The following ANTXRL variants were observed in gnomAD, a reference collection of about 807,000 sequenced individuals.
The protein encoded by ANTXRL is ANTXR like.
ANTXRL carries 63 observed loss-of-function variants against 75.4 expected under a neutral mutation model. That is an observed-to-expected ratio of 0.84 (90% CI 0.68 to 1.03). The LOEUF is 1.03. ANTXRL is among the 50% of genes least tolerant of loss of function. The probability of loss-of-function intolerance (pLI) is 0.00; values close to 1 mark genes in which losing one functional copy is unlikely to be tolerated. For missense variants in ANTXRL, 797 were observed against 789.4 expected, an observed-to-expected ratio of 1.01 and a Z score of -0.12; for synonymous variants, 335 against 291.3, an observed-to-expected ratio of 1.15 and a Z score of -1.53.
rs1475033022 is a variant in ANTXRL, at chr10:46,309,167, C to T, written c.1099C>T (p.Leu367=). 1 of 1,535,726 alleles carries T rather than the reference C, an allele frequency of 6.5e-7. No individual in the cohort carries two copies. Among genetic ancestry groups the T allele is most frequent in the African/African-American group, 1.4e-5 (1 of 73,026 alleles). ...FVPLLLLVPL[L]LCCVWRLCRK... is the part of the protein sequence containing the mutation. ...GCCACTCCTGCTGCTTGTGCCACTGCTGCTGTGTTGTGTCTGGCGGCTGTG... is the reference window on the plus strand; with the variant it reads ...GCCACTCCTGCTGCTTGTGCCACTGTTGCTGTGTTGTGTCTGGCGGCTGTG... Residue 367 remains leucine, a synonymous_variant, in exon 13 of 17, where the codon CTG becomes TTG. Transcript: ENST00000620264.
chr10:46,329,784 C>T lies in ANTXRL; in HGVS notation c.1596C>T (p.Ile532=). The T allele has an allele frequency of 6.5e-7, 1 of 1,534,580 alleles. No homozygotes were observed. Among genetic ancestry groups the T allele is most frequent in the Non-Finnish European group, 8.7e-7 (1 of 1,146,504 alleles). Residue 532 remains isoleucine, a synonymous_variant, in exon 17 of 17, where the codon ATC becomes ATT. Coordinates refer to ENST00000620264, the MANE Select transcript of ANTXRL (RefSeq NM_001278688.3). ...ALKQARCSPN[I]CLRHSQHSRE... ...AACAGGCTCGCTGCAGCCCAAACAT[C>T]TGCCTGAGACACAGCCAACACAGCA...
intron 16 of ANTXRL, among the ~76,000 whole-genome samples, chr10:46,322,023 G>T (rs1839000952): frequency 6.6e-6 from 1 of 152,004 alleles, no homozygotes; most frequent in Admixed American, 6.5e-5. Flanking sequence ...ACAGTAAAAT[G>T]AGTTTCCTTA....
intron 12 of ANTXRL, 28 bp downstream of exon 12, chr10:46,307,508 T>C: frequency 1.4e-5 from 21 of 1,519,844 alleles, no homozygotes; most frequent in Middle Eastern, 1.7e-4. Context: ...GCTGCAAACA[T>C]GTATGAGGAC....
chr10:46,311,544 C>T lies in ANTXRL; in HGVS notation c.1208C>T (p.Pro403Leu). The T allele has an allele frequency of 1.3e-6, 2 of 1,534,860 alleles. No individual in the cohort carries two copies. The highest frequency in any genetic ancestry group is 1.7e-6 in the Non-Finnish European group (2 of 1,146,106). The change falls in exon 15 of 17, where the codon CCA (proline) becomes CTA (leucine). Residue 403 changes from proline (P) to leucine (L), a missense_variant. By Grantham distance (98) the Pro-to-Leu change is moderately conservative. Transcript: ENST00000620264. Reference sequence around the variant, plus strand: ...CAGGAAAAACCACCATCACCACCACCACCGCCTCCGCCTCCACCACCTCCA... The same window carrying T: ...CAGGAAAAACCACCATCACCACCACTACCGCCTCCGCCTCCACCACCTCCA... Reference protein sequence around the residue: ...PEQEKPPSPPPPPPPPPPPLP... With the variant: ...PEQEKPPSPPLPPPPPPPPLP...
intron 9 of ANTXRL, among the ~76,000 whole-genome samples, chr10:46,301,915 G>A (rs1367924516): frequency 6.6e-6 from 1 of 152,196 alleles, no homozygotes; most frequent in Admixed American, 6.5e-5. Flanking sequence ...GGCAGCTGCA[G>A]ACCTGCGGGA....
intron 2 of ANTXRL, among the ~76,000 whole-genome samples, chr10:46,293,352 G>T (rs183420854): frequency 0.037 from 5,524 of 148,708 alleles, 112 homozygotes; most frequent in Admixed American, 0.052. Flanking sequence ...GTGCGTGCAT[G>T]TGTGTGCATG....
chr10:46,307,383 T>C lies in ANTXRL; in HGVS notation c.966-19T>C, dbSNP rs1554962168. 1.3e-6 allele frequency: 2 copies of C among 1,523,672 alleles called. No homozygotes were observed. Among genetic ancestry groups the C allele is most frequent in the Admixed American group, 2.0e-5 (1 of 50,970 alleles). 94.4% of individuals were successfully genotyped at this position (1,523,672 alleles called of 1,614,324 possible). On this transcript the variant is annotated intron_variant, in intron 11 of 16. Transcript: ENST00000620264. ...TCTCTCTGGACTGGCTCTCACCATC[T>C]GCATTTTCTATGCTTTAGGGAGTAC...
chr10:46,307,436 A>G lies in ANTXRL; in HGVS notation c.1000A>G (p.Lys334Glu). Residue 334 changes from lysine (K) to glutamate (E), a missense_variant, in exon 12 of 17, where the codon AAA (lysine) becomes GAA (glutamate). By Grantham distance (56) the Lys-to-Glu change is moderately conservative. This residue lies in a region of ANTXRL where 479 missense variants were observed against 422.0 expected (regional missense o/e 1.14). Coordinates refer to ENST00000620264, the MANE Select transcript of ANTXRL (RefSeq NM_001278688.3). The stretch of plus-strand genomic sequence containing the variant: ...TATTGAAGTCAGCTTGAACAAAGGC[A>G]AAACATTCTTCAAGAGCAATGTCAG... ...YSIEVSLNKG[K>E]TFFKSNVSIT... 6.5e-7 allele frequency: 1 copy of G among 1,536,328 alleles called. No individual in the cohort carries two copies.
intron 13 of ANTXRL, among the ~76,000 whole-genome samples, chr10:46,310,228 C>A (rs1188938939): frequency 6.6e-6 from 1 of 152,062 alleles, no homozygotes; most frequent in Non-Finnish European, 1.5e-5. Context: ...TGGCTGACCC[C>A]TAGGAACCCC....
Position 46,309,186 on chromosome 10 carries a change from G to A in ANTXRL, c.1118G>A (p.Arg373Gln), listed in dbSNP as rs563891224. ...LVPLLLCCVW[R>Q]LCRKQTVKEP... ...CCACTGCTGCTGTGTTGTGTCTGGCGGCTGTGCCGCAAGCAGGCAAGTGCT... is the reference window on the plus strand; with the variant it reads ...CCACTGCTGCTGTGTTGTGTCTGGCAGCTGTGCCGCAAGCAGGCAAGTGCT... Residue 373 changes from arginine to glutamine, a missense_variant, in exon 13 of 17, where the codon CGG becomes CAG. Around this residue, in one of 3 missense-constraint regions of ANTXRL, gnomAD observed 479 missense variants for 422.0 expected, o/e 1.14. Coordinates refer to ENST00000620264, the MANE Select transcript of ANTXRL (RefSeq NM_001278688.3). 118 of 1,531,196 alleles carry A rather than the reference G, an allele frequency of 7.7e-5. 2 individuals are homozygous for A. In the South Asian group the frequency reaches 1.2e-3, roughly 16 times the overall value. The allele number at this position is 1,531,196 out of a possible 1,614,324, so 94.9% of individuals were successfully genotyped here. A position where few individuals can be genotyped will look rare whatever the true frequency, so the allele number is the denominator to read the frequency against.
intron 16 of ANTXRL, among the ~76,000 whole-genome samples, chr10:46,325,178 T>G (rs4926080): frequency 0.085 from 12,935 of 152,106 alleles, 1,805 homozygotes; most frequent in African/African-American, 0.3. Context: ...CCCTGTCTAT[T>G]TTTATTATTC....
intron 5 of ANTXRL, 125 bp from the exon 6 acceptor site, chr10:46,297,127 G>A: frequency 1.3e-6 from 1 of 750,616 alleles, no homozygotes; most frequent in Non-Finnish European, 2.2e-6. Context: ...GGATGAGGTG[G>A]GGGCACGTGG....
At chr10:46,320,110 T>A (rs1209484854) in intron 16 of ANTXRL, among the ~76,000 whole-genome samples, 1 of 152,168 alleles carries the variant, frequency 6.6e-6, no homozygotes, top group Non-Finnish European at 1.5e-5. Context: ...CCCATGAAAG[T>A]TCCCATGATA....
At chr10:46,301,489 A>C (rs1229054803) in intron 9 of ANTXRL, among the ~76,000 whole-genome samples, 2 of 152,196 alleles carry the variant, frequency 1.3e-5, no homozygotes, top group Non-Finnish European at 2.9e-5. Context: ...AGAGTAGGCC[A>C]GGCCCAGCTG....
intron 7 of ANTXRL, 87 bp from the exon 8 acceptor site, chr10:46,297,744 T>C (rs1457463240): frequency 1.4e-5 from 17 of 1,206,100 alleles, no homozygotes; most frequent in Non-Finnish European, 2.0e-5. Flanking sequence ...CCCCAAAGCA[T>C]GAGGGCAAGA....
At chr10:46,289,658 G>A (rs782131789) in intron 1 of ANTXRL, among the ~76,000 whole-genome samples, 1 of 152,120 alleles carries the variant, frequency 6.6e-6, no homozygotes, top group Admixed American at 6.5e-5. Flanking sequence ...GAGCCTGAGA[G>A]GTCAAGACTG....
At chr10:46,321,762 T>C (rs534884940) in intron 16 of ANTXRL, among the ~76,000 whole-genome samples, 3 of 152,258 alleles carry the variant, frequency 2.0e-5, no homozygotes, top group African/African-American at 7.2e-5. Flanking sequence ...TGCGGTTCTG[T>C]TACTAGGGGC....
At position 46,287,148 on chromosome 10, in the gene ANTXRL, A is replaced by C; in HGVS notation, c.-115A>C. On this transcript the variant is annotated 5_prime_UTR_variant, in exon 1 of 17. Transcript: ENST00000620264. ...TGTGCACTGGTGAAAGGGCAGGAGG[A>C]GGGGTGTGGCCCCGGGCATAAGGGG... 1 of 1,335,782 alleles carries C rather than the reference A, an allele frequency of 7.5e-7. No homozygotes were observed. Among genetic ancestry groups the C allele is most frequent in the Non-Finnish European group, 1.0e-6 (1 of 1,002,348 alleles). 82.7% of individuals were successfully genotyped at this position (1,335,782 alleles called of 1,614,324 possible). A position where few individuals can be genotyped will look rare whatever the true frequency, so the allele number is the denominator to read the frequency against.
Position 46,317,556 on chromosome 10 carries a change from C to G in ANTXRL, c.1410+4240C>G, listed in dbSNP as rs985133690. Among the ~76,000 whole-genome samples, 47 of 152,174 alleles carry G rather than the reference C, an allele frequency of 3.1e-4. 1 individual carries two copies. Among genetic ancestry groups the G allele is most frequent in the Non-Finnish European group, 4.7e-4 (32 of 68,034 alleles). ...AGACCAAGGGACAGGGGTGGCAAAG[C>G]CAGGCTGGCTGTGGCCTCCAACTGT... On this transcript the variant is annotated intron_variant, in intron 16 of 16. Coordinates refer to ENST00000620264, the MANE Select transcript of ANTXRL (RefSeq NM_001278688.3).
Sources: gnomAD v4.1 joint callset for allele counts (sites outside exome capture counted in the v4.1 genomes callset) on GRCh38, gnomAD v4.1.1 for gene constraint, gnomAD v4.1.1 regional missense constraint, MANE v1.5 for transcripts, NCBI Gene and HGNC (gene_info 2026-07-23, HGNC 2026-07-21) for gene names.